Variants in ADGRB3 observed in about 807,000 individuals in gnomAD.
ADGRB3 encodes brain-specific angiogenesis inhibitor 3.
A neutral mutation model predicts 193.4 loss-of-function variants in ADGRB3; 37 were observed. The observed-to-expected ratio is 0.19, with a 90% CI of 0.15 to 0.25. The LOEUF (loss-of-function observed/expected upper bound fraction) is 0.25, where lower values mean the gene tolerates loss of function less well. Ranked by LOEUF, ADGRB3 falls within the 10% of genes least tolerant of loss-of-function variation. The pLI is 1.00. For missense variants in ADGRB3, 1,637 were observed against 1,852.9 expected (o/e 0.88, Z 2.14); for synonymous variants, 690 against 644.2 (o/e 1.07, Z -1.08).
Position 69,331,748 on chromosome 6 carries a change from G to A in ADGRB3, c.3103-1175G>A, listed in dbSNP as rs908468147. The A allele has an allele frequency of 4.4e-5, 43 of 984,912 alleles. No individual in the cohort carries two copies. In the African/African-American group the frequency reaches 7.3e-4, roughly 17 times the overall value. The allele number at this position is 984,912 out of a possible 1,614,324, so 61.0% of individuals were successfully genotyped here. A position where few individuals can be genotyped will look rare whatever the true frequency, so the allele number is the denominator to read the frequency against. On this transcript the variant is annotated intron_variant, in intron 23 of 31. Transcript: ENST00000370598. ...TATAACACTAAAATGAAGAAACACA[G>A]TGTGTATATAATTGAAACACCAAAG...
intron 17 of ADGRB3, among the ~76,000 whole-genome samples, chr6:69,173,687 C>T (rs1455293747): frequency 6.6e-6 from 1 of 151,394 alleles, no homozygotes; most frequent in Non-Finnish European, 1.5e-5. Context: ...CATTACTACT[C>T]TTTGTCTTTA....
rs77139287 is a variant in ADGRB3 at position 68,784,895 on chromosome 6, A to G, written c.757+145463A>G. Reference sequence around the variant, plus strand: ...CTTGCCTTGTTTTCTTTTCCTTCATAGAGTTTAGTAGTGTTCATTTTATTT... The same window carrying G: ...CTTGCCTTGTTTTCTTTTCCTTCATGGAGTTTAGTAGTGTTCATTTTATTT... On this transcript the variant is annotated intron_variant, in intron 3 of 31. Transcript: ENST00000370598. Among the ~76,000 whole-genome samples, 1,339 of 152,170 alleles carry G rather than the reference A, an allele frequency of 8.8e-3. 22 individuals carry two copies. The highest frequency in any genetic ancestry group is 0.028 in the African/African-American group (1,169 of 41,532).
chr6:68,846,068 G>A (rs907743685), intron 3 of ADGRB3, among the ~76,000 whole-genome samples: 14 of 152,198 alleles, frequency 9.2e-5, no homozygotes, highest in Admixed American at 7.2e-4. Context: ...CCTCTCGGAA[G>A]CTAGAGTAAA....
intron 3 of ADGRB3, among the ~76,000 whole-genome samples, chr6:68,662,975 G>T (rs1768704365): frequency 6.6e-6 from 1 of 150,532 alleles, no homozygotes; most frequent in African/African-American, 2.4e-5. Flanking sequence ...AAACTTTTTG[G>T]TTAAATAGAT....
chr6:68,934,135 A>G (rs1468364040), intron 4 of ADGRB3, among the ~76,000 whole-genome samples: 1 of 152,194 alleles, frequency 6.6e-6, no homozygotes, highest in South Asian at 2.1e-4. Flanking sequence ...CACTGAAACT[A>G]TGGGATTTGA....
intron 3 of ADGRB3, among the ~76,000 whole-genome samples, chr6:68,787,810 T>G (rs1317038366): frequency 6.6e-6 from 1 of 152,198 alleles, no homozygotes; most frequent in African/African-American, 2.4e-5. Flanking sequence ...GGTAAGCTAT[T>G]GATTATTGCC....
At position 69,125,752 on chromosome 6, in the gene ADGRB3, A is replaced by G. The variant is rs138823458; in HGVS notation, c.2480+49714A>G. ...ACTAACCCAATCCACCCTTTATTTAATTTATTTAATGAATTTGAAAGTTCT... is the reference window on the plus strand; with the variant it reads ...ACTAACCCAATCCACCCTTTATTTAGTTTATTTAATGAATTTGAAAGTTCT... On this transcript the variant is annotated intron_variant, in intron 17 of 31. Coordinates refer to ENST00000370598, the MANE Select transcript of ADGRB3 (RefSeq NM_001704.3). Among the ~76,000 whole-genome samples the G allele has an allele frequency of 2.7e-3, 407 of 152,324 alleles. 1 individual carries two copies. Among genetic ancestry groups the G allele is most frequent in the African/African-American group, 9.6e-3 (401 of 41,584 alleles).
intron 17 of ADGRB3, among the ~76,000 whole-genome samples, chr6:69,225,059 C>T (rs1765980283): frequency 6.6e-6 from 1 of 152,130 alleles, no homozygotes; most frequent in African/African-American, 2.4e-5. Flanking sequence ...GCATTGTAAC[C>T]TGTTGGGAGA....
At chr6:69,299,530 A>G (rs1308911337) in intron 20 of ADGRB3, among the ~76,000 whole-genome samples, 2 of 151,838 alleles carry the variant, frequency 1.3e-5, no homozygotes, top group African/African-American at 2.4e-5. Flanking sequence ...ACATTTAAGT[A>G]TTTGATCCAT....
chr6:69,039,176 A>G (rs898007305), intron 13 of ADGRB3, among the ~76,000 whole-genome samples: 15 of 152,232 alleles, frequency 9.9e-5, no homozygotes, highest in African/African-American at 3.4e-4. Context: ...GATACTGGCA[A>G]TTGGATATGC....
intron 13 of ADGRB3, among the ~76,000 whole-genome samples, chr6:69,024,830 C>T (rs1283627180): frequency 4.6e-5 from 7 of 152,142 alleles, no homozygotes; most frequent in South Asian, 2.1e-4. Context: ...CGGTGGCTCA[C>T]GCCTGTAATC....
At chr6:69,030,991 C>CT (rs11378924) in intron 13 of ADGRB3, among the ~76,000 whole-genome samples, 8,315 of 51,878 alleles carry the variant, frequency 0.16, 2,014 homozygotes, top group Middle Eastern at 0.37. Flanking sequence ...CTTTTCTTTT[C>CT]TTTCTTTTCC....
rs533011353 is a variant in ADGRB3, at chr6:69,076,160, A to T, written c.2480+122A>T. On this transcript the variant is annotated intron_variant, in intron 17 of 31. Transcript: ENST00000370598. ...GTGGGATGTTGCATTCAGAGAAAAAAAAATCCTCTTTTTGAATCTTCAGGA... is the reference window on the plus strand; with the variant it reads ...GTGGGATGTTGCATTCAGAGAAAAATAAATCCTCTTTTTGAATCTTCAGGA... 1.5e-4 allele frequency: 127 copies of T among 820,926 alleles called. No individual in the cohort carries two copies. The African/African-American group carries it at 1.9e-3, about 12-fold the overall frequency. The allele number at this position is 820,926 out of a possible 1,614,324, so 50.9% of individuals were successfully genotyped here.
intron 1 of ADGRB3, 111 bp from the exon 2 acceptor site, chr6:68,637,280 G>T (rs1767981242): frequency 6.6e-6 from 1 of 152,530 alleles, no homozygotes; most frequent in East Asian, 1.9e-4. Flanking sequence ...GTTGGTGTGT[G>T]TTATGCAATG....
At chr6:68,935,431 AATT>A (rs1206476009) in intron 4 of ADGRB3, among the ~76,000 whole-genome samples, 1 of 152,196 alleles carries the variant, frequency 6.6e-6, no homozygotes, top group African/African-American at 2.4e-5. Flanking sequence ...CTATCCTTTG[AATT>A]CTATTCCAAA....
chr6:68,909,126 A>G (rs1766628877), intron 3 of ADGRB3, among the ~76,000 whole-genome samples: 1 of 152,190 alleles, frequency 6.6e-6, no homozygotes. Context: ...GTGTGTTAAC[A>G]GGTTCTCAAG....
At chr6:68,968,136 G>A (rs947564983) in intron 8 of ADGRB3, among the ~76,000 whole-genome samples, 10 of 151,314 alleles carry the variant, frequency 6.6e-5, no homozygotes, top group African/African-American at 2.4e-4. Flanking sequence ...AAAAAAAAAT[G>A]AAGCATTGAC....
At chr6:68,968,999 A>T (rs915812358) in intron 8 of ADGRB3, among the ~76,000 whole-genome samples, 5 of 152,098 alleles carry the variant, frequency 3.3e-5, no homozygotes, top group African/African-American at 1.2e-4. Context: ...TCATTGAAAA[A>T]ATTTTATTGG....
At chr6:68,782,568 A>G (rs1766876787) in intron 3 of ADGRB3, among the ~76,000 whole-genome samples, 1 of 152,070 alleles carries the variant, frequency 6.6e-6, no homozygotes, top group Non-Finnish European at 1.5e-5. Context: ...ACAATGGTTG[A>G]ACTAGTTTAC....
Sources: allele counts gnomAD v4.1 joint callset (sites outside exome capture counted in the v4.1 genomes callset), GRCh38; gene constraint gnomAD v4.1.1; transcripts MANE v1.5; gene names NCBI Gene and HGNC (gene_info 2026-07-23, HGNC 2026-07-21).